Variants in USP30 observed in about 807,000 individuals in gnomAD.
The protein encoded by USP30 is ubiquitin specific peptidase 30.
In USP30, 41 loss-of-function variants were observed where a neutral mutation model predicts 68.2. The observed-to-expected ratio is 0.60, with a 90% CI of 0.47 to 0.78. The LOEUF is 0.78. Among genes scored for constraint, USP30 ranks in the 30% least tolerant of loss-of-function variants. The probability of loss-of-function intolerance (pLI) is 0.00; values close to 1 mark genes in which losing one functional copy is unlikely to be tolerated. For synonymous variants in USP30, 229 were observed against 253.7 expected (o/e 0.90, Z 0.93); for missense variants, 522 against 649.4 (o/e 0.80, Z 2.13).
intron 3 of USP30, among the ~76,000 whole-genome samples, chr12:109,035,756 A>G (rs1200383447): frequency 6.6e-6 from 1 of 152,192 alleles, no homozygotes. Flanking sequence ...CTTCCCCTTA[A>G]GCTGTTATTG....
At chr12:109,080,068 T>C (rs985941126) in intron 7 of USP30, among the ~76,000 whole-genome samples, 2 of 152,246 alleles carry the variant, frequency 1.3e-5, no homozygotes, top group African/African-American at 4.8e-5. Flanking sequence ...GCTCAGTTTT[T>C]TTAGCTTCCA....
chr12:109,059,841 T>C (rs929869113), intron 3 of USP30: 4 of 152,240 alleles, frequency 2.6e-5, no homozygotes, highest in African/African-American at 9.7e-5. Flanking sequence ...TTTTTGACTG[T>C]AGAACTGTTT....
At chr12:109,062,177 C>T (rs2041090132) in intron 3 of USP30, among the ~76,000 whole-genome samples, 1 of 151,946 alleles carries the variant, frequency 6.6e-6, no homozygotes, top group Admixed American at 6.6e-5. Flanking sequence ...TCAGGTGATC[C>T]ACCCGCCTCA....
chr12:109,051,274 T>G (rs1410434229), upstream of USP30, among the ~76,000 whole-genome samples: 4 of 89,106 alleles, frequency 4.5e-5, no homozygotes, highest in Non-Finnish European at 8.8e-5. Flanking sequence ...TTTTTTTTTT[T>G]GATGCTGAAT....
chr12:109,061,990 C>G (rs1470752714), intron 3 of USP30, among the ~76,000 whole-genome samples: 1 of 152,110 alleles, frequency 6.6e-6, no homozygotes, highest in Admixed American at 6.6e-5. Context: ...AGCTGAAGTG[C>G]AGTGGTGCAG....
intron 3 of USP30, among the ~76,000 whole-genome samples, chr12:109,045,823 A>T (rs140114893): frequency 4.0e-4 from 61 of 152,278 alleles, no homozygotes; most frequent in African/African-American, 1.4e-3. Context: ...ACGCGTGTGT[A>T]TGTGTGTGTA....
intron 3 of USP30, among the ~76,000 whole-genome samples, chr12:109,064,423 C>T (rs2041180839): frequency 6.6e-6 from 1 of 151,980 alleles, no homozygotes; most frequent in African/African-American, 2.4e-5. Context: ...CACCCATCAC[C>T]CCCGGCTAAT....
Position 109,071,595 on chromosome 12 carries a change from G to A in USP30, c.481-17G>A, listed in dbSNP as rs780117191. ...GCCTCTTCCAACCTCTCTAAAGAAT[G>A]CTTTGCCCTATGACAGGATGCTCAC... is the stretch of plus-strand genomic sequence containing the variant. On this transcript the variant is annotated splice_polypyrimidine_tract_variant and intron_variant, in intron 4 of 12. Coordinates refer to ENST00000257548, the MANE Select transcript of USP30 (RefSeq NM_032663.5). 10 of 1,611,528 alleles carry A rather than the reference G, an allele frequency of 6.2e-6. No individual in the cohort carries two copies. Among genetic ancestry groups the A allele is most frequent in the Non-Finnish European group, 7.6e-6 (9 of 1,177,814 alleles).
intron 3 of USP30, among the ~76,000 whole-genome samples, chr12:109,035,853 CA>C (rs1235551814): frequency 1.3e-5 from 2 of 151,994 alleles, no homozygotes; most frequent in Admixed American, 1.3e-4. Context: ...ATCAGATACA[CA>C]AAAAAATTAT....
Position 109,086,020 on chromosome 12 carries a change from C to T in USP30, c.*89C>T. 1 of 1,478,554 alleles carries T rather than the reference C, an allele frequency of 6.8e-7. No homozygotes were observed. The highest frequency in any genetic ancestry group is 9.0e-7 in the Non-Finnish European group (1 of 1,110,292). The allele number at this position is 1,478,554 out of a possible 1,614,324, so 91.6% of individuals were successfully genotyped here. On this transcript the variant is annotated 3_prime_UTR_variant, in exon 13 of 13. Transcript: ENST00000257548. ...CTGTACTGTTGCGTGTGCAAGCGGC[C>T]CCACTAGAGCCTTCCAGCCTTCTGG...
At position 109,082,883 on chromosome 12, in the gene USP30, G is replaced by C; in HGVS notation, c.989G>C (p.Trp330Ser). 1 of 1,614,250 alleles carries C rather than the reference G, an allele frequency of 6.2e-7. No individual in the cohort carries two copies. The highest frequency in any genetic ancestry group is 8.5e-7 in the Non-Finnish European group (1 of 1,180,046). ...CLCIHLQRLS[W>S]SSHGTPLKRH... ...TGCATCCACCTACAGCGGCTGAGCT[G>C]GTCCAGCCACGGCACGCCTCTGAAG... is the stretch of plus-strand genomic sequence containing the variant. Residue 330 changes from tryptophan (W) to serine (S), a missense_variant, in exon 11 of 13, where the codon TGG becomes TCG. Trp to Ser is a radical substitution (Grantham distance 177, BLOSUM62 -3). Transcript: ENST00000257548.
chr12:109,027,085 T>C (rs2040449971), intron 2 of USP30, among the ~76,000 whole-genome samples: 1 of 152,156 alleles, frequency 6.6e-6, no homozygotes, highest in African/African-American at 2.4e-5. Context: ...GACACAAACA[T>C]TCAGTCCTTA....
chr12:109,072,219 A>G, intron 5 of USP30, 86 bp from the exon 6 acceptor site: 1 of 1,209,170 alleles, frequency 8.3e-7, no homozygotes, highest in Non-Finnish European at 1.2e-6. Context: ...CAACGTAGAA[A>G]CTTGTAAGGT....
intron 3 of USP30, among the ~76,000 whole-genome samples, chr12:109,044,376 G>A (rs1273088027): frequency 2.6e-5 from 4 of 152,196 alleles, no homozygotes; most frequent in Non-Finnish European, 4.4e-5. Context: ...GGTGGCTCAC[G>A]CCTGCGATCT....
chr12:109,048,529 C>T (rs2040626907), upstream of USP30, among the ~76,000 whole-genome samples: 1 of 151,900 alleles, frequency 6.6e-6, no homozygotes, highest in African/African-American at 2.4e-5. Flanking sequence ...CACCTGAGGT[C>T]AGGAGTTCGA....
At chr12:109,049,033 G>A (rs1054486025), upstream of USP30, among the ~76,000 whole-genome samples, 1 of 152,284 alleles carries the variant, frequency 6.6e-6, no homozygotes, top group East Asian at 1.9e-4. Flanking sequence ...TTTCTTGAAG[G>A]TCCCCTTGGC....
At chr12:109,085,618 G>C (rs2041924051) in intron 12 of USP30, 49 bp from the exon 13 acceptor site, 1 of 1,596,756 alleles carries the variant, frequency 6.3e-7, no homozygotes, top group Non-Finnish European at 8.6e-7. Flanking sequence ...TGCCTATAAA[G>C]TCTTTTTGTT....
intron 3 of USP30, among the ~76,000 whole-genome samples, chr12:109,031,225 T>C (rs887143692): frequency 6.6e-6 from 1 of 152,234 alleles, no homozygotes; most frequent in Non-Finnish European, 1.5e-5. Context: ...GCATATTACA[T>C]AAAACAACAA....
intron 3 of USP30, among the ~76,000 whole-genome samples, chr12:109,065,668 T>G (rs2041226500): frequency 6.6e-6 from 1 of 152,178 alleles, no homozygotes; most frequent in African/African-American, 2.4e-5. Flanking sequence ...CATTCTGTTG[T>G]AAAGAGGTAA....
Sources: gnomAD v4.1 joint callset for allele counts (sites outside exome capture counted in the v4.1 genomes callset) on GRCh38, gnomAD v4.1.1 for gene constraint, MANE v1.5 for transcripts, NCBI Gene and HGNC (gene_info 2026-07-23, HGNC 2026-07-21) for gene names.